Variants in FOXN3 observed in about 807,000 individuals in gnomAD.
The protein encoded by FOXN3 is forkhead box N3.
In FOXN3, 7 loss-of-function variants were observed where a neutral mutation model predicts 38.4. That is an observed-to-expected ratio of 0.18 (90% confidence interval 0.10 to 0.34). The LOEUF (loss-of-function observed/expected upper bound fraction) is 0.34, where lower values mean the gene tolerates loss of function less well. Among genes scored for constraint, FOXN3 ranks in the 10% least tolerant of loss-of-function variants. The pLI is 1.00. For synonymous variants in FOXN3, 230 were observed against 242.2 expected, an observed-to-expected ratio of 0.95 and a Z score of 0.47; for missense variants, 456 against 613.4, an observed-to-expected ratio of 0.74 and a Z score of 2.71.
intron 1 of FOXN3, among the ~76,000 whole-genome samples, chr14:89,413,758 A>G (rs1272763055): frequency 6.9e-6 from 1 of 144,660 alleles, no homozygotes; most frequent in Non-Finnish European, 1.5e-5. Context: ...GGGAAGGAAG[A>G]AGGGAAAGAA....
chr14:89,235,086 G>C (rs980817612), intron 4 of FOXN3, among the ~76,000 whole-genome samples: 3 of 152,202 alleles, frequency 2.0e-5, no homozygotes, highest in Admixed American at 6.5e-5. Flanking sequence ...TGCCCCCTGA[G>C]AGCGTGGGCT....
At chr14:89,477,304 A>G (rs1893231197) in intron 1 of FOXN3, among the ~76,000 whole-genome samples, 1 of 152,144 alleles carries the variant, frequency 6.6e-6, no homozygotes, top group African/African-American at 2.4e-5. Context: ...GGAGTATTCC[A>G]TATTTCTCCT....
intron 4 of FOXN3, among the ~76,000 whole-genome samples, chr14:89,212,863 G>A (rs1884142250): frequency 6.6e-6 from 1 of 152,082 alleles, no homozygotes; most frequent in Non-Finnish European, 1.5e-5. Flanking sequence ...GATCAGGTTT[G>A]ACACCGCTAA....
At chr14:89,598,879 T>C (rs886616735) in intron 1 of FOXN3, among the ~76,000 whole-genome samples, 2 of 152,250 alleles carry the variant, frequency 1.3e-5, no homozygotes, top group Non-Finnish European at 2.9e-5. Flanking sequence ...TTTTACTATG[T>C]TGAATCTTTG....
chr14:89,297,895 G>A (rs1337997247), intron 3 of FOXN3, among the ~76,000 whole-genome samples: 2 of 152,192 alleles, frequency 1.3e-5, no homozygotes, highest in African/African-American at 4.8e-5. Context: ...TGAGGCAGGA[G>A]GACGGCTTGA....
At chr14:89,528,718 G>T (rs1265148393) in intron 1 of FOXN3, among the ~76,000 whole-genome samples, 1 of 151,956 alleles carries the variant, frequency 6.6e-6, no homozygotes, top group African/African-American at 2.4e-5. Flanking sequence ...AAATAAGTAT[G>T]CTGAATGAAA....
chr14:89,288,710 CTCTCTCTCTCTCTCTA>C (rs1886741172), intron 3 of FOXN3, among the ~76,000 whole-genome samples: 1 of 75,914 alleles, frequency 1.3e-5, no homozygotes, highest in Non-Finnish European at 2.3e-5. Context: ...CTCTCTCTCT[CTCTCTCTCTCTCTCTA>C]TATATATATA....
chr14:89,417,027 CCGCGGGCGCGGGCGGCAGGGG>C lies in FOXN3; in HGVS notation c.-192_-172del, dbSNP rs902336764. On this transcript the variant is annotated 5_prime_UTR_variant, in exon 1 of 6. Coordinates refer to ENST00000557258, the MANE Select transcript of FOXN3 (RefSeq NM_005197.4). The stretch of plus-strand genomic sequence containing the variant: ...CGGGGCGGCGGGCGGCGGGGGGCGG[CCGCGGGCGCGGGCGGCAGGGG>C]CGCGGGGGTCGCGGCGCGGCATGGG... The C allele has an allele frequency of 1.4e-5, 2 of 144,616 alleles. No individual in the cohort carries two copies. Among genetic ancestry groups the C allele is most frequent in the Non-Finnish European group, 3.1e-5 (2 of 65,228 alleles). 9.0% of individuals were successfully genotyped at this position (144,616 alleles called of 1,614,324 possible).
upstream of FOXN3, among the ~76,000 whole-genome samples, chr14:89,418,419 C>G (rs1228892337): frequency 8.0e-6 from 1 of 124,474 alleles, no homozygotes; most frequent in South Asian, 3.6e-4. Flanking sequence ...TAGACCCCCC[C>G]CCCCCAATCT....
chr14:89,371,352 G>T (rs12895962), intron 2 of FOXN3, among the ~76,000 whole-genome samples: 1 of 151,892 alleles, frequency 6.6e-6, no homozygotes, highest in African/African-American at 2.4e-5. Context: ...GAATACAACC[G>T]AGAAGAGTCT....
At chr14:89,256,506 T>A (rs544056834) in intron 4 of FOXN3, among the ~76,000 whole-genome samples, 1 of 152,214 alleles carries the variant, frequency 6.6e-6, no homozygotes, top group Non-Finnish European at 1.5e-5. Flanking sequence ...TTTATGAAGA[T>A]GTTTAACGCT....
At chr14:89,604,527 A>G (rs1378429262) in intron 1 of FOXN3, among the ~76,000 whole-genome samples, 1 of 152,186 alleles carries the variant, frequency 6.6e-6, no homozygotes, top group Non-Finnish European at 1.5e-5. Context: ...AGAAAAGATG[A>G]CAGAGAAGCT....
At position 89,164,250 on chromosome 14, in the gene FOXN3, G is replaced by A. The variant is rs538744852; in HGVS notation, c.852-1281C>T. On this transcript the variant is annotated intron_variant, in intron 5 of 5. Transcript: ENST00000557258. The surrounding 1 kb of genome is among the most constrained non-coding windows in gnomAD (Gnocchi z 4.3). ...TACTTGCAGGAGAGGAGGGTCACTTGTAGCTGAAGGGGACGAAGGGTGGAC... is the reference window on the plus strand; with the variant it reads ...TACTTGCAGGAGAGGAGGGTCACTTATAGCTGAAGGGGACGAAGGGTGGAC... Among the ~76,000 whole-genome samples, 12 of 152,346 alleles carry A rather than the reference G, an allele frequency of 7.9e-5. No individual in the cohort carries two copies. The South Asian group carries it at 2.5e-3, about 32-fold the overall frequency.
chr14:89,284,075 G>A (rs1160519972), intron 3 of FOXN3, among the ~76,000 whole-genome samples: 1 of 152,168 alleles, frequency 6.6e-6, no homozygotes, highest in Non-Finnish European at 1.5e-5. Context: ...GATTTCAGTG[G>A]CCAGGTTGGT....
At chr14:89,329,092 G>A (rs191618113) in intron 3 of FOXN3, among the ~76,000 whole-genome samples, 1 of 152,106 alleles carries the variant, frequency 6.6e-6, no homozygotes, top group Non-Finnish European at 1.5e-5. Flanking sequence ...AGAGGCCACC[G>A]ACCCTCACCA....
At chr14:89,511,702 C>T (rs1453934242) in intron 1 of FOXN3, among the ~76,000 whole-genome samples, 1 of 152,146 alleles carries the variant, frequency 6.6e-6, no homozygotes, top group Non-Finnish European at 1.5e-5. Context: ...TCCATTCTCA[C>T]ACTGCTAAAA....
At chr14:89,236,179 G>C (rs750740288) in intron 4 of FOXN3, among the ~76,000 whole-genome samples, 5 of 152,196 alleles carry the variant, frequency 3.3e-5, no homozygotes, top group Non-Finnish European at 5.9e-5. Flanking sequence ...CAAAAGTCTG[G>C]TCAGGGTCAC....
At chr14:89,430,254 T>G (rs1353191153) in intron 1 of FOXN3, among the ~76,000 whole-genome samples, 1 of 152,242 alleles carries the variant, frequency 6.6e-6, no homozygotes, top group Non-Finnish European at 1.5e-5. Flanking sequence ...TTTGATTTGC[T>G]TCCAAATTTC....
At chr14:89,279,022 T>G (rs1035566737) in intron 4 of FOXN3, among the ~76,000 whole-genome samples, 1 of 151,922 alleles carries the variant, frequency 6.6e-6, no homozygotes, top group African/African-American at 2.4e-5. Context: ...TTAGGAAGAA[T>G]ACCCACATAT....
Sources: gnomAD v4.1 joint callset for allele counts (sites outside exome capture counted in the v4.1 genomes callset) on GRCh38, gnomAD v4.1.1 for gene constraint, Gnocchi (gnomAD v3.1) non-coding constraint, MANE v1.5 for transcripts, NCBI Gene and HGNC (gene_info 2026-07-23, HGNC 2026-07-21) for gene names.